Variants in OPCML observed in about 807,000 individuals in gnomAD.
OPCML encodes the protein opioid-binding protein/cell adhesion molecule.
A neutral mutation model predicts 37.8 loss-of-function variants in OPCML; 13 were observed. That is an observed-to-expected ratio of 0.34 (90% CI 0.22 to 0.55). The LOEUF is 0.55. Among genes scored for constraint, OPCML ranks in the 20% least tolerant of loss-of-function variants. The pLI is 0.91. For synonymous variants in OPCML, 176 were observed against 168.8 expected (o/e 1.04, Z -0.33); for missense variants, 341 against 435.6 (o/e 0.78, Z 1.93).
intron 4 of OPCML, among the ~76,000 whole-genome samples, chr11:132,522,270 A>G (rs1246974255): frequency 6.6e-6 from 1 of 152,208 alleles, no homozygotes; most frequent in East Asian, 1.9e-4. Context: ...TAAAACTGCT[A>G]TATCATTCCC....
intron 2 of OPCML, among the ~76,000 whole-genome samples, chr11:132,897,345 G>T (rs1292058080): frequency 6.6e-6 from 1 of 152,250 alleles, no homozygotes; most frequent in African/African-American, 2.4e-5. Context: ...CCAGGTGACC[G>T]GAGCTGCCCA....
intron 3 of OPCML, among the ~76,000 whole-genome samples, chr11:132,645,895 G>T (rs1382725639): frequency 6.6e-6 from 1 of 152,244 alleles, no homozygotes; most frequent in African/African-American, 2.4e-5. Flanking sequence ...TCGCGGAAAG[G>T]TCTATTGGAC....
At chr11:133,103,868 T>C (rs571304245) in intron 1 of OPCML, among the ~76,000 whole-genome samples, 2 of 152,344 alleles carry the variant, frequency 1.3e-5, no homozygotes, top group South Asian at 4.1e-4. Context: ...CCTTTCTCTC[T>C]TTTTCTTTCT....
At chr11:133,130,007 T>C (rs1949579111) in intron 1 of OPCML, among the ~76,000 whole-genome samples, 1 of 151,972 alleles carries the variant, frequency 6.6e-6, no homozygotes, top group Non-Finnish European at 1.5e-5. Flanking sequence ...TGACACAAAT[T>C]ATGTATAGAT....
chr11:132,518,982 GA>G (rs1308248245), intron 4 of OPCML, among the ~76,000 whole-genome samples: 1 of 152,104 alleles, frequency 6.6e-6, no homozygotes, highest in African/African-American at 2.4e-5. Flanking sequence ...TGATACAAGT[GA>G]TATCCATTCT....
intron 1 of OPCML, among the ~76,000 whole-genome samples, chr11:133,030,831 A>T (rs58629044): frequency 0.1 from 15,785 of 152,032 alleles, 1,299 homozygotes; most frequent in East Asian, 0.3. Flanking sequence ...TCACCCTACC[A>T]AGAAGGGGAA....
intron 1 of OPCML, chr11:133,067,048 A>G (rs2137001856): frequency 6.6e-6 from 1 of 152,214 alleles, no homozygotes; most frequent in East Asian, 1.9e-4. Context: ...AATAAAATAG[A>G]AAAGTAACAA....
At chr11:133,344,995 T>G (rs1304823661) in intron 1 of OPCML, among the ~76,000 whole-genome samples, 1 of 152,172 alleles carries the variant, frequency 6.6e-6, no homozygotes, top group Non-Finnish European at 1.5e-5. Flanking sequence ...AGCCTTAGGC[T>G]CTTCCTTACC....
intron 3 of OPCML, among the ~76,000 whole-genome samples, chr11:132,545,547 T>C (rs2096366854): frequency 6.6e-6 from 1 of 152,204 alleles, no homozygotes; most frequent in Non-Finnish European, 1.5e-5. Flanking sequence ...CCAATCTACT[T>C]TCAAAAATAT....
At position 132,942,917 on chromosome 11, in the gene OPCML, G is replaced by A; in HGVS notation, c.146+9C>T. The A allele has an allele frequency of 5.6e-6, 9 of 1,613,860 alleles. No individual in the cohort carries two copies. Among genetic ancestry groups the A allele is most frequent in the Non-Finnish European group, 7.6e-6 (9 of 1,179,874 alleles). ...GGGGCTCGGCCCCCGCGGAAGGACA[G>A]CTCCCTACCTGAGGGTGGCGCTCTC... On this transcript the variant is annotated intron_variant, in intron 2 of 7. Transcript: ENST00000524381.
In OPCML at chr11:133,212,553, A is replaced by C; in HGVS notation, c.62-269543T>G. Among the ~76,000 whole-genome samples, 1 of 151,884 alleles carries C rather than the reference A, an allele frequency of 6.6e-6. No homozygotes were observed. The highest frequency in any genetic ancestry group is 2.4e-5 in the African/African-American group (1 of 41,352). ...ATTGAAGTTGTAACCTACTCTGCTC[A>C]CCCCGCTGCACTCTTGATCTCCCTT... On this transcript the variant is annotated intron_variant, in intron 1 of 7. Coordinates refer to ENST00000524381, the MANE Select transcript of OPCML (RefSeq NM_001012393.5). This position sits in a 1 kb window ranked among gnomAD's most constrained non-coding sequence, Gnocchi z 4.9.
chr11:133,148,346 G>T (rs1000365271), intron 1 of OPCML, among the ~76,000 whole-genome samples: 4 of 152,214 alleles, frequency 2.6e-5, no homozygotes, highest in Admixed American at 6.5e-5. Flanking sequence ...AGCCAGAGAC[G>T]ATAAACTTGG....
intron 4 of OPCML, among the ~76,000 whole-genome samples, chr11:132,522,025 G>A (rs1215222594): frequency 1.3e-5 from 2 of 152,276 alleles, no homozygotes; most frequent in East Asian, 3.9e-4. Flanking sequence ...CTGGCCTGTT[G>A]TGCATATTTA....
At chr11:133,501,451 T>G (rs1323815265) in intron 1 of OPCML, among the ~76,000 whole-genome samples, 1 of 152,218 alleles carries the variant, frequency 6.6e-6, no homozygotes, top group Admixed American at 6.5e-5. Flanking sequence ...AAAACTTAAA[T>G]GAAGTAGGTA....
chr11:132,783,915 T>A (rs1328342874), intron 2 of OPCML, among the ~76,000 whole-genome samples: 2 of 152,326 alleles, frequency 1.3e-5, no homozygotes, highest in South Asian at 4.1e-4. Flanking sequence ...GCAACTTTAT[T>A]ACTTTTAGGT....
intron 2 of OPCML, among the ~76,000 whole-genome samples, chr11:132,764,565 A>G (rs148070217): frequency 6.6e-4 from 101 of 152,348 alleles, no homozygotes; most frequent in African/African-American, 2.3e-3. Flanking sequence ...TTATAAGGTT[A>G]TCATGAGAAT....
intron 1 of OPCML, among the ~76,000 whole-genome samples, chr11:133,274,427 A>C (rs1941936009): frequency 6.6e-6 from 1 of 152,190 alleles, no homozygotes; most frequent in Non-Finnish European, 1.5e-5. Flanking sequence ...GCAGGGACTG[A>C]AGTGCTGAGC....
At chr11:132,881,615 T>TAAA (rs1555202574) in intron 2 of OPCML, among the ~76,000 whole-genome samples, 4 of 110,306 alleles carry the variant, frequency 3.6e-5, no homozygotes, top group African/African-American at 9.5e-5. Flanking sequence ...ATCCCAAATT[T>TAAA]AAAAAAATAA....
chr11:132,971,784 G>T (rs545064973), intron 1 of OPCML, among the ~76,000 whole-genome samples: 27 of 151,944 alleles, frequency 1.8e-4, no homozygotes, highest in African/African-American at 6.5e-4. Flanking sequence ...TTTCCCTCCC[G>T]CCTCCAAACC....
Sources: gnomAD v4.1 joint callset for allele counts (sites outside exome capture counted in the v4.1 genomes callset) on GRCh38, gnomAD v4.1.1 for gene constraint, Gnocchi (gnomAD v3.1) non-coding constraint, MANE v1.5 for transcripts, NCBI Gene and HGNC (gene_info 2026-07-23, HGNC 2026-07-21) for gene names.